Variants in SLC39A11 observed in about 807,000 individuals in gnomAD.
SLC39A11 encodes the protein zinc transporter ZIP11.
A neutral mutation model predicts 36.1 loss-of-function variants in SLC39A11; 33 were observed. The ratio of observed to expected loss-of-function variants is 0.91; its 90% CI spans 0.69 to 1.22. The LOEUF (loss-of-function observed/expected upper bound fraction) is 1.22, where lower values mean the gene tolerates loss of function less well. Ranked by LOEUF, SLC39A11 falls within the 50% of genes most tolerant of loss-of-function variation. The probability of loss-of-function intolerance (pLI) is 0.00; values close to 1 mark genes in which losing one functional copy is unlikely to be tolerated. For synonymous variants in SLC39A11, 166 were observed against 170.3 expected (o/e 0.97, Z 0.20); for missense variants, 432 against 430.3 (o/e 1.00, Z -0.03).
At chr17:72,877,505 G>C (rs375874673) in intron 5 of SLC39A11, among the ~76,000 whole-genome samples, 24 of 152,248 alleles carry the variant, frequency 1.6e-4, no homozygotes, top group African/African-American at 5.1e-4. Context: ...CCTTTCTTTC[G>C]CAATCAGTTC....
At chr17:73,036,130 C>A (rs2058906947) in intron 3 of SLC39A11, among the ~76,000 whole-genome samples, 1 of 152,156 alleles carries the variant, frequency 6.6e-6, no homozygotes, top group Non-Finnish European at 1.5e-5. Flanking sequence ...CTTCAGACCT[C>A]CAGTACTGTA....
chr17:72,926,092 C>T (rs2084033666), intron 5 of SLC39A11, among the ~76,000 whole-genome samples: 1 of 152,198 alleles, frequency 6.6e-6, no homozygotes, highest in African/African-American at 2.4e-5. Context: ...CCTCATCTTT[C>T]CTGGGAAGGA....
At chr17:72,976,003 T>C (rs2087814373) in intron 4 of SLC39A11, among the ~76,000 whole-genome samples, 1 of 151,484 alleles carries the variant, frequency 6.6e-6, no homozygotes, top group African/African-American at 2.4e-5. Flanking sequence ...ACCCCGTCTC[T>C]ACTAAAAATA....
At chr17:72,733,990 G>A (rs537357725) in intron 7 of SLC39A11, among the ~76,000 whole-genome samples, 9 of 152,224 alleles carry the variant, frequency 5.9e-5, no homozygotes, top group Non-Finnish European at 8.8e-5. Flanking sequence ...CACTGGCCCC[G>A]ACCTGCTATG....
At chr17:72,675,744 C>T (rs889329669) in intron 7 of SLC39A11, among the ~76,000 whole-genome samples, 11 of 152,142 alleles carry the variant, frequency 7.2e-5, no homozygotes, top group African/African-American at 2.4e-4. Flanking sequence ...AGTGCAATGG[C>T]GCAATCTCGG....
intron 6 of SLC39A11, among the ~76,000 whole-genome samples, chr17:72,842,383 C>G (rs1381800322): frequency 6.6e-6 from 1 of 152,130 alleles, no homozygotes; most frequent in African/African-American, 2.4e-5. Flanking sequence ...TTACCACAAT[C>G]CCCTAAATTT....
intron 5 of SLC39A11, among the ~76,000 whole-genome samples, chr17:72,866,127 T>A (rs756234811): frequency 2.6e-5 from 4 of 152,228 alleles, no homozygotes; most frequent in Non-Finnish European, 5.9e-5. Flanking sequence ...TCATCTGTAT[T>A]GACAGCCGCT....
intron 6 of SLC39A11, among the ~76,000 whole-genome samples, chr17:72,834,316 C>G (rs2008365): frequency 0.45 from 69,026 of 152,074 alleles, 16,565 homozygotes; most frequent in East Asian, 0.74. Flanking sequence ...GAATTGGACA[C>G]AGCAAGTCTA....
chr17:72,950,568 C>T (rs2085787747), intron 4 of SLC39A11, among the ~76,000 whole-genome samples: 1 of 152,154 alleles, frequency 6.6e-6, no homozygotes, highest in Admixed American at 6.5e-5. Context: ...ATCACTGCAG[C>T]AATAAAAGAT....
chr17:72,669,933 T>C (rs910852026), intron 7 of SLC39A11, among the ~76,000 whole-genome samples: 2 of 134,554 alleles, frequency 1.5e-5, no homozygotes, highest in South Asian at 2.5e-4. Flanking sequence ...TACACATATA[T>C]ACGTATAGAT....
At chr17:72,985,519 TCTC>T (rs2088673414) in intron 4 of SLC39A11, among the ~76,000 whole-genome samples, 1 of 145,696 alleles carries the variant, frequency 6.9e-6, no homozygotes, top group Non-Finnish European at 1.5e-5. Flanking sequence ...TTCAAGCAAT[TCTC>T]CTGCCTCAGC....
chr17:72,695,624 GGTCTTTGT>G (rs1405308367), intron 7 of SLC39A11, among the ~76,000 whole-genome samples: 14 of 97,404 alleles, frequency 1.4e-4, no homozygotes, highest in South Asian at 5.9e-4. Flanking sequence ...CAAAAAAAAG[GGTCTTTGT>G]GGATGTAATT....
chr17:72,695,900 G>T (rs1248443648), intron 7 of SLC39A11, among the ~76,000 whole-genome samples: 2 of 152,186 alleles, frequency 1.3e-5, no homozygotes, highest in Non-Finnish European at 2.9e-5. Flanking sequence ...CTATCTGCTG[G>T]CACCTTGATT....
At chr17:72,791,225 T>G (rs1367092198) in intron 6 of SLC39A11, among the ~76,000 whole-genome samples, 3 of 152,128 alleles carry the variant, frequency 2.0e-5, no homozygotes, top group Admixed American at 6.5e-5. Context: ...GAGGCCGAGG[T>G]GGGCAGATTG....
At chr17:72,951,107 A>AAG (rs10622479) in intron 4 of SLC39A11, among the ~76,000 whole-genome samples, 1 of 150,914 alleles carries the variant, frequency 6.6e-6, no homozygotes, top group East Asian at 1.9e-4. Context: ...TAAAAAAAAA[A>AAG]AAAATTAGCC....
At chr17:72,762,615 A>G (rs577476260) in intron 6 of SLC39A11, among the ~76,000 whole-genome samples, 1 of 152,240 alleles carries the variant, frequency 6.6e-6, no homozygotes, top group African/African-American at 2.4e-5. Context: ...TTCTTATTAC[A>G]TTTGCTTTCA....
chr17:73,026,853 C>T (rs1279744170), intron 4 of SLC39A11, among the ~76,000 whole-genome samples: 2 of 152,014 alleles, frequency 1.3e-5, no homozygotes, highest in African/African-American at 4.8e-5. Context: ...TAGCTCACAC[C>T]TATAATCCCA....
chr17:72,752,749 G>GA (rs1428316181), intron 6 of SLC39A11, among the ~76,000 whole-genome samples: 4 of 152,084 alleles, frequency 2.6e-5, no homozygotes, highest in African/African-American at 7.2e-5. Flanking sequence ...TGCTGCTGCT[G>GA]AAAAGTCTGA....
rs143862095 is a variant in SLC39A11 at position 73,066,701 on chromosome 17, A to G, written c.147+18107T>C. Among the ~76,000 whole-genome samples the G allele has an allele frequency of 7.4e-3, 1,128 of 152,236 alleles. 12 individuals are homozygous for G. The highest frequency in any genetic ancestry group is 0.025 in the African/African-American group (1,036 of 41,516). On this transcript the variant is annotated intron_variant, in intron 3 of 9. Transcript: ENST00000255559. ...CCAGGAGTAACTGGCCTGTCATGGGAAACAGCCTGAAAGTGGAGCCACACA... is the reference window on the plus strand; with the variant it reads ...CCAGGAGTAACTGGCCTGTCATGGGGAACAGCCTGAAAGTGGAGCCACACA...
Sources: allele counts gnomAD v4.1 joint callset (sites outside exome capture counted in the v4.1 genomes callset), GRCh38; gene constraint gnomAD v4.1.1; transcripts MANE v1.5; gene names NCBI Gene and HGNC (gene_info 2026-07-23, HGNC 2026-07-21).